Variants in HLA-DOB observed in about 807,000 individuals in gnomAD.
HLA-DOB encodes HLA class II histocompatibility antigen, DO beta chain.
A neutral mutation model predicts 27.7 loss-of-function variants in HLA-DOB; 25 were observed. The observed-to-expected ratio is 0.90, with a 90% CI of 0.66 to 1.26. The LOEUF (loss-of-function observed/expected upper bound fraction) is 1.26. Ranked by LOEUF, HLA-DOB falls within the 50% of genes most tolerant of loss-of-function variation. The pLI, the probability that HLA-DOB is intolerant of heterozygous loss-of-function variation, is 0.00. For synonymous variants in HLA-DOB, 137 were observed against 125.6 expected (o/e 1.09, Z -0.61); for missense variants, 306 against 324.9 (o/e 0.94, Z 0.45).
chr6:32,815,110 G>A lies in HLA-DOB; in HGVS notation c.295C>T (p.Gln99Ter), dbSNP rs371721345. The change falls in exon 2 of 6, where the codon CAG (glutamine) becomes TAG (stop). Residue 99 changes from glutamine (Q) to a stop codon, truncating the protein, a stop_gained. Coordinates refer to ENST00000438763, the MANE Select transcript of HLA-DOB (RefSeq NM_002120.4). LOFTEE classifies it high-confidence loss of function. ...TGTCTACAGACCCCATCCACGGCCT[G>A]TCTGCTCCTCTCCAAGAGATCCAGC... is the stretch of plus-strand genomic sequence containing the variant. ...SRLDLLERSR[Q>*]AVDGVCRHNY... is the part of the protein sequence containing the mutation. 10 of 1,614,048 alleles carry A rather than the reference G, an allele frequency of 6.2e-6. No homozygotes were observed. The highest frequency in any genetic ancestry group is 2.5e-6 in the Non-Finnish European group (3 of 1,180,032).
At chr6:32,813,637 C>T in intron 4 of HLA-DOB, 86 bp downstream of exon 4, 1 of 1,187,114 alleles carries the variant, frequency 8.4e-7, no homozygotes, top group Non-Finnish European at 1.2e-6. Flanking sequence ...AATCAGCTTT[C>T]CTTGCCTCAG....
At position 32,813,831 on chromosome 6, in the gene HLA-DOB, C is replaced by T; in HGVS notation, c.646G>A (p.Ala216Thr). ...TTTCTCCAAGAATATTCAGACTGAG[C>T]TCCTATGGGAAACAGGTCTTTAAAT... Reference protein sequence around the residue: ...LLSPVSVEWRAQSEYSWRKML... With the variant: ...LLSPVSVEWRTQSEYSWRKML... Residue 216 changes from alanine (A) to threonine (T), a missense_variant and splice_region_variant, in exon 4 of 6, where the codon GCT becomes ACT. Ala to Thr is a moderately conservative substitution (Grantham distance 58, BLOSUM62 0). Coordinates refer to ENST00000438763, the MANE Select transcript of HLA-DOB (RefSeq NM_002120.4). 1 of 1,538,714 alleles carries T rather than the reference C, an allele frequency of 6.5e-7. No individual in the cohort carries two copies.
rs1768043052 is a variant in HLA-DOB, at chr6:32,816,920, G to GCCA, written c.29_31dup (p.Val10dup). On this transcript the variant is annotated inframe_insertion, in exon 1 of 6. Transcript: ENST00000438763. ...CAGTCGGGTCAGATTCACTAGCAGAGCCACCACCCAGGGGACCCACCCAGA... is the reference window on the plus strand; with the variant it reads ...CAGTCGGGTCAGATTCACTAGCAGAGCCACCACCACCCAGGGGACCCACCCAGA... The GCCA allele has an allele frequency of 6.2e-7, 1 of 1,612,846 alleles. No individual in the cohort carries two copies. The highest frequency in any genetic ancestry group is 8.5e-7 in the Non-Finnish European group (1 of 1,179,974).
Position 32,815,269 on chromosome 6 carries a change from C to T in HLA-DOB, c.136G>A (p.Gly46Arg), listed in dbSNP as rs763626572. 21 of 1,614,216 alleles carry T rather than the reference C, an allele frequency of 1.3e-5. No individual in the cohort carries two copies. In the South Asian group the frequency reaches 1.4e-4, roughly 11 times the overall value. ...ACCACAAACTGCACCTTTTCTGTCC[C>T]GTTGGTGAAGTAACAGTCAGCCTTT... ...QAKADCYFTNGTEKVQFVVRF... is the reference protein window; with the variant it reads ...QAKADCYFTNRTEKVQFVVRF... The change falls in exon 2 of 6, where the codon GGG (glycine) becomes AGG (arginine). Residue 46 changes from glycine to arginine, a missense_variant. Coordinates refer to ENST00000438763, the MANE Select transcript of HLA-DOB (RefSeq NM_002120.4).
At chr6:32,814,846 C>T (rs889511094) in intron 2 of HLA-DOB, among the ~76,000 whole-genome samples, 198 bp downstream of exon 2, 2 of 152,140 alleles carry the variant, frequency 1.3e-5, no homozygotes, top group African/African-American at 4.8e-5. Context: ...CCCTCGAAGT[C>T]CCTGAGAACC....
At chr6:32,815,362 A>T (rs752916314) in intron 1 of HLA-DOB, 49 bp from the exon 2 acceptor site, 2 of 1,606,648 alleles carry the variant, frequency 1.2e-6, no homozygotes, top group Non-Finnish European at 1.7e-6. Flanking sequence ...CTCTGGGAAA[A>T]CCCATGCCTG....
At chr6:32,816,837 A>G in intron 1 of HLA-DOB, 24 bp downstream of exon 1, 13 of 1,598,088 alleles carry the variant, frequency 8.1e-6, no homozygotes, top group Non-Finnish European at 1.0e-5. Flanking sequence ...ACACACTGGA[A>G]AAAAACAATT....
In HLA-DOB at chr6:32,814,426, C is replaced by A; in HGVS notation, c.537G>T (p.Trp179Cys). Residue 179 changes from tryptophan to cysteine, a missense_variant, in exon 3 of 6, where the codon TGG (tryptophan) becomes TGT (cysteine). By Grantham distance (215) the Trp-to-Cys change is radical. Transcript: ENST00000438763. Reference sequence around the variant, plus strand: ...CTAGCATCACCACAGTCTGAAAGGTCCAGTCTCCATTCCTGATAGGGCCAG... The same window carrying A: ...CTAGCATCACCACAGTCTGAAAGGTACAGTCTCCATTCCTGATAGGGCCAG... ...MSTGPIRNGD[W>C]TFQTVVMLEM... 6.2e-7 allele frequency: 1 copy of A among 1,613,010 alleles called. No homozygotes were observed. The highest frequency in any genetic ancestry group is 8.5e-7 in the Non-Finnish European group (1 of 1,180,008).
At chr6:32,815,836 T>C (rs1767998334) in intron 1 of HLA-DOB, among the ~76,000 whole-genome samples, 1 of 152,260 alleles carries the variant, frequency 6.6e-6, no homozygotes, top group South Asian at 2.1e-4. Context: ...TGTTGGGTTG[T>C]AATTTACTTT....
At chr6:32,815,997 T>C (rs1389461366) in intron 1 of HLA-DOB, among the ~76,000 whole-genome samples, 2 of 152,148 alleles carry the variant, frequency 1.3e-5, no homozygotes, top group Non-Finnish European at 1.5e-5. Flanking sequence ...CTCTATTTCC[T>C]CTAGTAGTCT....
At chr6:32,813,869 C>T (rs1324477600) in intron 3 of HLA-DOB, 36 bp from the exon 4 acceptor site, 2 of 1,259,452 alleles carry the variant, frequency 1.6e-6, no homozygotes, top group Non-Finnish European at 2.3e-6. Context: ...GTAAAAATAT[C>T]CCAATATTTA....
intron 1 of HLA-DOB, 69 bp downstream of exon 1, chr6:32,816,792 A>G: frequency 7.9e-7 from 1 of 1,263,140 alleles, no homozygotes; most frequent in Non-Finnish European, 1.1e-6. Context: ...GGACTTACAA[A>G]GAAAGGCATC....
At chr6:32,814,153 G>GT in intron 3 of HLA-DOB, 167 bp downstream of exon 3, 6 of 653,518 alleles carry the variant, frequency 9.2e-6, no homozygotes, top group Non-Finnish European at 1.6e-5. Flanking sequence ...TATCTGCCAT[G>GT]TTTTCTCCCA....
rs768488389 is a variant in HLA-DOB, at chr6:32,814,481, C to T, written c.482G>A (p.Gly161Glu). The T allele has an allele frequency of 8.1e-6, 13 of 1,612,962 alleles. No individual in the cohort carries two copies. The highest frequency in any genetic ancestry group is 1.0e-5 in the Non-Finnish European group (12 of 1,180,040). ...CATGACCCCAGCTCTCTCCTCCTGC[C>T]CATTCAGGAACCACTTGATCTTGAT... is the stretch of plus-strand genomic sequence containing the variant. ...GDIKIKWFLN[G>E]QEERAGVMST... is the part of the protein sequence containing the mutation. Residue 161 changes from glycine (G) to glutamate (E), a missense_variant, in exon 3 of 6, where the codon GGG (glycine) becomes GAG (glutamate). Coordinates refer to ENST00000438763, the MANE Select transcript of HLA-DOB (RefSeq NM_002120.4).
chr6:32,813,036 A>G lies in HLA-DOB; in HGVS notation c.*180T>C. 1 of 654,174 alleles carries G rather than the reference A, an allele frequency of 1.5e-6. No individual in the cohort carries two copies. The highest frequency in any genetic ancestry group is 2.7e-6 in the Non-Finnish European group (1 of 363,718). 40.5% of individuals were successfully genotyped at this position (654,174 alleles called of 1,614,324 possible). ...GTACACGTAGAAGGGAGAAGGGCAGATGGGTGGGAGATGCATGATCTCAGA... is the reference window on the plus strand; with the variant it reads ...GTACACGTAGAAGGGAGAAGGGCAGGTGGGTGGGAGATGCATGATCTCAGA... On this transcript the variant is annotated 3_prime_UTR_variant, in exon 6 of 6. Coordinates refer to ENST00000438763, the MANE Select transcript of HLA-DOB (RefSeq NM_002120.4).
Position 32,814,949 on chromosome 6 carries a change from C to T in HLA-DOB, c.361+95G>A. 4 of 1,395,442 alleles carry T rather than the reference C, an allele frequency of 2.9e-6. No homozygotes were observed. In the South Asian group the frequency reaches 5.2e-5, roughly 18 times the overall value. The allele number at this position is 1,395,442 out of a possible 1,614,324, so 86.4% of individuals were successfully genotyped here. On this transcript the variant is annotated intron_variant, in intron 2 of 5. Coordinates refer to ENST00000438763, the MANE Select transcript of HLA-DOB (RefSeq NM_002120.4). The stretch of plus-strand genomic sequence containing the variant: ...ACATCTACACAGACAACCATTTATC[C>T]TAAAGCAGAAAATTGCTTGTAAGAA...
At position 32,814,326 on chromosome 6, in the gene HLA-DOB, C is replaced by G. The variant is rs1259410919; in HGVS notation, c.637G>C (p.Glu213Gln). The change falls in exon 3 of 6, where the codon GAG (glutamate) becomes CAG (glutamine). Residue 213 changes from glutamate to glutamine, a missense_variant. Transcript: ENST00000438763. ...HSSLLSPVSV[E>Q]WRAQSEYSWR... ...ACTAGAAACTAATTCTCACTCCACTCCACAGAAACAGGGCTCAGCAGGCTG... is the reference window on the plus strand; with the variant it reads ...ACTAGAAACTAATTCTCACTCCACTGCACAGAAACAGGGCTCAGCAGGCTG... 1 of 1,612,800 alleles carries G rather than the reference C, an allele frequency of 6.2e-7. No individual in the cohort carries two copies. The highest frequency in any genetic ancestry group is 8.5e-7 in the Non-Finnish European group (1 of 1,179,972).
intron 3 of HLA-DOB, 161 bp downstream of exon 3, chr6:32,814,159 T>C: frequency 3.0e-6 from 2 of 672,818 alleles, no homozygotes; most frequent in Non-Finnish European, 5.0e-6. Flanking sequence ...CCATGTTTTC[T>C]CCCACCCTAA....
intron 2 of HLA-DOB, 145 bp from the exon 3 acceptor site, chr6:32,814,746 T>C (rs948821613): frequency 1.3e-6 from 1 of 786,450 alleles, no homozygotes; most frequent in African/African-American, 1.7e-5. Flanking sequence ...GCCCCCAAGA[T>C]CAGTAACAGG....
Sources: gnomAD v4.1 joint callset for allele counts (sites outside exome capture counted in the v4.1 genomes callset) on GRCh38, gnomAD v4.1.1 for gene constraint, MANE v1.5 for transcripts, NCBI Gene and HGNC (gene_info 2026-07-23, HGNC 2026-07-21) for gene names.